The following ARHGAP17 variants were observed in gnomAD, a reference collection of about 807,000 sequenced individuals.
The protein encoded by ARHGAP17 is rho GTPase-activating protein 17.
A neutral mutation model predicts 99.5 loss-of-function variants in ARHGAP17; 57 were observed. The ratio of observed to expected loss-of-function variants is 0.57; its 90% confidence interval spans 0.46 to 0.71. ARHGAP17 has a LOEUF of 0.71. Ranked by LOEUF, ARHGAP17 falls within the 30% of genes least tolerant of loss-of-function variation. ARHGAP17 has a pLI of 0.00. For synonymous variants in ARHGAP17, 417 were observed against 429.6 expected, an observed-to-expected ratio of 0.97 and a Z score of 0.36; for missense variants, 1,000 against 1,122.4, an observed-to-expected ratio of 0.89 and a Z score of 1.56.
intron 19 of ARHGAP17, among the ~76,000 whole-genome samples, chr16:24,924,001 T>C (rs1232013847): frequency 1.3e-5 from 2 of 152,182 alleles, no homozygotes; most frequent in African/African-American, 4.8e-5. Context: ...AACTCACCCT[T>C]CAAGAAGTCC....
At chr16:25,009,896 A>G (rs1025468217) in intron 1 of ARHGAP17, among the ~76,000 whole-genome samples, 1 of 152,158 alleles carries the variant, frequency 6.6e-6, no homozygotes, top group African/African-American at 2.4e-5. Flanking sequence ...CAGCAGCTTC[A>G]TAAGCACAGA....
chr16:24,967,778 C>CAAAA (rs940394750), intron 6 of ARHGAP17, among the ~76,000 whole-genome samples: 6 of 59,404 alleles, frequency 1.0e-4, no homozygotes, highest in Admixed American at 1.8e-4. Flanking sequence ...GACCTTGACT[C>CAAAA]AAAAAAAAAA....
chr16:24,936,643 T>C (rs1389217050), intron 17 of ARHGAP17: 2 of 150,040 alleles, frequency 1.3e-5, no homozygotes, highest in African/African-American at 2.5e-5. Flanking sequence ...GAGGTGGAGG[T>C]TGCCGTGAGT....
intron 15 of ARHGAP17, 85 bp downstream of exon 15, chr16:24,943,686 G>T: frequency 2.6e-6 from 3 of 1,156,388 alleles, no homozygotes; most frequent in South Asian, 2.6e-5. Context: ...TCATGAAGAA[G>T]GATTACAGAT....
intron 1 of ARHGAP17, among the ~76,000 whole-genome samples, chr16:24,991,482 C>A (rs554442394): frequency 2.2e-4 from 33 of 152,142 alleles, no homozygotes; most frequent in African/African-American, 7.2e-4. Flanking sequence ...CACACAAAAA[C>A]AAAAAGCTAG....
intron 19 of ARHGAP17, among the ~76,000 whole-genome samples, chr16:24,925,876 C>T (rs527882384): frequency 1.1e-4 from 17 of 151,962 alleles, no homozygotes; most frequent in African/African-American, 3.9e-4. Context: ...TTTGGGAGGC[C>T]GAGACGGGCA....
At chr16:24,963,548 C>T (rs1053284838) in intron 7 of ARHGAP17, among the ~76,000 whole-genome samples, 18 of 152,124 alleles carry the variant, frequency 1.2e-4, no homozygotes, top group East Asian at 1.9e-4. Context: ...CAAGACTCCC[C>T]GAAGACCTAT....
In ARHGAP17 at chr16:24,940,095, A is replaced by AT. The variant is rs869219095; in HGVS notation, c.1491-499dup. Reference sequence around the variant, plus strand: ...CACCATACTGGGATACTAAAAAAAAATTTTTTTTTGTAGAGATGCGGTCTC... The same window carrying AT: ...CACCATACTGGGATACTAAAAAAAAATTTTTTTTTTGTAGAGATGCGGTCTC... On this transcript the variant is annotated intron_variant, in intron 16 of 19. Transcript: ENST00000289968. 1.9e-4 allele frequency among the ~76,000 whole-genome samples: 29 copies of AT among 151,436 alleles called. 1 individual carries two copies. Among genetic ancestry groups the AT allele is most frequent in the South Asian group, 1.0e-3 (5 of 4,778 alleles).
intron 3 of ARHGAP17, among the ~76,000 whole-genome samples, chr16:24,971,780 C>G (rs536707096): frequency 2.6e-5 from 4 of 152,332 alleles, no homozygotes; most frequent in African/African-American, 9.6e-5. Flanking sequence ...GCAATGACCA[C>G]AGAATCACCT....
At chr16:24,982,923 T>C (rs1220445289) in intron 1 of ARHGAP17, among the ~76,000 whole-genome samples, 3 of 136,968 alleles carry the variant, frequency 2.2e-5, no homozygotes, top group African/African-American at 5.4e-5. Flanking sequence ...AAAAAAACAG[T>C]AGACAAAGTG....
Position 24,952,390 on chromosome 16 carries a change from C to G in ARHGAP17, c.965-20G>C, listed in dbSNP as rs375511786. ...AAGCACCTGAAATCATTAACACTCT[C>G]TTTGAGTATGAAAAAGGGGTAAGGC... is the stretch of plus-strand genomic sequence containing the variant. On this transcript the variant is annotated intron_variant, in intron 11 of 19. Transcript: ENST00000289968. 17 of 1,592,800 alleles carry G rather than the reference C, an allele frequency of 1.1e-5. No homozygotes were observed. Among genetic ancestry groups the G allele is most frequent in the Non-Finnish European group, 1.3e-5 (15 of 1,164,174 alleles).
chr16:24,924,936 A>G (rs1299145955), intron 19 of ARHGAP17, among the ~76,000 whole-genome samples: 1 of 152,144 alleles, frequency 6.6e-6, no homozygotes, highest in Non-Finnish European at 1.5e-5. Flanking sequence ...TCTCCTTTTT[A>G]CAATGTAATA....
chr16:24,920,359 G>T, intron 19 of ARHGAP17, 99 bp from the exon 20 acceptor site: 1 of 1,484,670 alleles, frequency 6.7e-7, no homozygotes, highest in Non-Finnish European at 9.2e-7. Flanking sequence ...GAAGTTTCAG[G>T]GTCAGCCCAT....
chr16:24,977,701 T>G (rs746078021), intron 2 of ARHGAP17, among the ~76,000 whole-genome samples: 2 of 151,308 alleles, frequency 1.3e-5, no homozygotes, highest in Non-Finnish European at 2.9e-5. Context: ...TTATTGGGTT[T>G]GGGGTGTGTG....
intron 14 of ARHGAP17, among the ~76,000 whole-genome samples, chr16:24,946,379 G>A (rs867443058): frequency 4.6e-5 from 7 of 151,552 alleles, no homozygotes; most frequent in Non-Finnish European, 8.8e-5. Flanking sequence ...ACAGTGTCTT[G>A]GCCCATCCAG....
intron 1 of ARHGAP17, among the ~76,000 whole-genome samples, chr16:24,994,763 G>A (rs923555829): frequency 2.6e-5 from 4 of 152,068 alleles, no homozygotes; most frequent in African/African-American, 7.2e-5. Flanking sequence ...TCTGAATCTC[G>A]GCAATATTAC....
At chr16:24,943,079 G>A (rs2051363267) in intron 15 of ARHGAP17, among the ~76,000 whole-genome samples, 1 of 152,176 alleles carries the variant, frequency 6.6e-6, no homozygotes. Flanking sequence ...AGTAGGTGTG[G>A]GGGATCCGGA....
intron 1 of ARHGAP17, among the ~76,000 whole-genome samples, chr16:24,993,138 G>C (rs1312768846): frequency 2.0e-5 from 3 of 152,008 alleles, no homozygotes; most frequent in African/African-American, 7.2e-5. Flanking sequence ...AGCCAAAAGA[G>C]TTTCTTAACA....
intron 6 of ARHGAP17, among the ~76,000 whole-genome samples, chr16:24,966,612 CAGAG>C (rs1342909729): frequency 2.0e-5 from 3 of 151,230 alleles, no homozygotes; most frequent in African/African-American, 4.9e-5. Flanking sequence ...GCCTGGTTGA[CAGAG>C]AGAGACTCCA....
Sources: gnomAD v4.1 joint callset for allele counts (sites outside exome capture counted in the v4.1 genomes callset) on GRCh38, gnomAD v4.1.1 for gene constraint, MANE v1.5 for transcripts, NCBI Gene and HGNC (gene_info 2026-07-23, HGNC 2026-07-21) for gene names.